DLGAP4: variants seen among roughly 807,000 people sequenced by gnomAD.
DLGAP4 encodes disks large-associated protein 4.
Under a neutral mutation model 86.9 loss-of-function variants are expected in DLGAP4, and 18 were observed. The observed-to-expected ratio is 0.21, with a 90% CI of 0.14 to 0.31. DLGAP4 has a LOEUF of 0.31. Ranked by LOEUF, DLGAP4 falls within the 10% of genes least tolerant of loss-of-function variation. DLGAP4 has a pLI of 1.00. For synonymous variants in DLGAP4, 548 were observed against 574.3 expected (o/e 0.95, Z 0.65); for missense variants, 1,085 against 1,362.6 (o/e 0.80, Z 3.21).
At chr20:36,428,228 C>T (rs1174766414) in intron 2 of DLGAP4, among the ~76,000 whole-genome samples, 1 of 152,036 alleles carries the variant, frequency 6.6e-6, no homozygotes. Flanking sequence ...AGCCACTTGC[C>T]ACATGTGCTA....
rs555851747 is a variant in DLGAP4 at position 36,462,085 on chromosome 20, A to G, written c.1648+15148A>G. 7.3e-5 allele frequency: 72 copies of G among 992,354 alleles called. No homozygotes were observed. In the Admixed American group the frequency reaches 1.1e-3, roughly 15 times the overall value. The allele number at this position is 992,354 out of a possible 1,614,324, so 61.5% of individuals were successfully genotyped here. On this transcript the variant is annotated intron_variant, in intron 7 of 12. Transcript: ENST00000339266. ...CATCCTTTGGGGGTTCTGCACCCCA[A>G]GTCGCTGGGGTCTCGCCTCCTCTGA...
At chr20:36,467,746 G>A (rs2034480788) in intron 7 of DLGAP4, among the ~76,000 whole-genome samples, 1 of 152,232 alleles carries the variant, frequency 6.6e-6, no homozygotes, top group Admixed American at 6.5e-5. Flanking sequence ...AAGGGAAAAT[G>A]TTGGGTGTTG....
intron 1 of DLGAP4, among the ~76,000 whole-genome samples, chr20:36,364,959 G>A (rs1167719178): frequency 6.6e-6 from 1 of 152,178 alleles, no homozygotes; most frequent in Non-Finnish European, 1.5e-5. Flanking sequence ...GTCAGGTGTG[G>A]TGGTGCATGC....
chr20:36,323,809 G>T (rs1555890816), intron 1 of DLGAP4, among the ~76,000 whole-genome samples: 1 of 152,214 alleles, frequency 6.6e-6, no homozygotes, highest in African/African-American at 2.4e-5. Context: ...TCCCCCGCAT[G>T]CGTAGTTCAC....
chr20:36,507,341 C>A (rs553045937), intron 10 of DLGAP4, among the ~76,000 whole-genome samples: 1 of 152,246 alleles, frequency 6.6e-6, no homozygotes, highest in South Asian at 2.1e-4. Flanking sequence ...GATTCTCGTG[C>A]CTCAGCCTCC....
At chr20:36,487,835 G>A (rs902803527) in intron 7 of DLGAP4, among the ~76,000 whole-genome samples, 1 of 152,180 alleles carries the variant, frequency 6.6e-6, no homozygotes, top group Non-Finnish European at 1.5e-5. Context: ...ATGCCTGTCA[G>A]CTCCTTGGCT....
chr20:36,323,458 T>C (rs1327531249), intron 1 of DLGAP4, among the ~76,000 whole-genome samples: 1 of 152,260 alleles, frequency 6.6e-6, no homozygotes, highest in African/African-American at 2.4e-5. Context: ...TATTGCTGCC[T>C]AGTATTCCAC....
At chr20:36,320,595 C>T (rs1569453992) in intron 1 of DLGAP4, among the ~76,000 whole-genome samples, 1 of 152,150 alleles carries the variant, frequency 6.6e-6, no homozygotes, top group South Asian at 2.1e-4. Context: ...AGACGAAATG[C>T]TGTGTTCCAG....
intron 4 of DLGAP4, 23 bp from the exon 5 acceptor site, chr20:36,439,731 G>A: frequency 6.2e-7 from 1 of 1,603,216 alleles, no homozygotes; most frequent in Non-Finnish European, 8.5e-7. Context: ...GCTGAGCCCT[G>A]TCTGCTCCCC....
intron 2 of DLGAP4, among the ~76,000 whole-genome samples, chr20:36,409,927 G>A (rs1295487500): frequency 6.6e-6 from 1 of 151,106 alleles, no homozygotes; most frequent in Admixed American, 6.6e-5. Context: ...CCAGCTACTC[G>A]GGAGGCTGAG....
At chr20:36,317,384 C>T (rs1456801545) in intron 1 of DLGAP4, among the ~76,000 whole-genome samples, 37 of 146,380 alleles carry the variant, frequency 2.5e-4, no homozygotes, top group Admixed American at 1.9e-3. Flanking sequence ...TCTTTCCTCT[C>T]GTCTCTTTCT....
At chr20:36,323,492 C>A (rs1472861880) in intron 1 of DLGAP4, among the ~76,000 whole-genome samples, 1 of 152,160 alleles carries the variant, frequency 6.6e-6, no homozygotes, top group African/African-American at 2.4e-5. Context: ...CATACGTTAT[C>A]CATTCTATTG....
intron 11 of DLGAP4, 137 bp downstream of exon 11, chr20:36,524,478 G>T: frequency 1.5e-6 from 1 of 674,734 alleles, no homozygotes; most frequent in Non-Finnish European, 2.5e-6. Context: ...TGGAAGGACA[G>T]TGGCAATGTG....
At chr20:36,374,032 C>CAAAAAA (rs11472489) in intron 2 of DLGAP4, among the ~76,000 whole-genome samples, 1 of 115,644 alleles carries the variant, frequency 8.6e-6, no homozygotes, top group Non-Finnish European at 1.7e-5. Context: ...GAGACTGTCT[C>CAAAAAA]AAAAAAAAAA....
intron 7 of DLGAP4, among the ~76,000 whole-genome samples, chr20:36,474,820 G>A (rs1386678490): frequency 1.3e-5 from 2 of 152,182 alleles, no homozygotes; most frequent in Non-Finnish European, 2.9e-5. Flanking sequence ...CAAACAATCA[G>A]CCATTCATTT....
At chr20:36,510,713 C>T (rs1020401987) in intron 10 of DLGAP4, among the ~76,000 whole-genome samples, 1 of 151,744 alleles carries the variant, frequency 6.6e-6, no homozygotes, top group Non-Finnish European at 1.5e-5. Context: ...GCCCAGCTGA[C>T]ACCTGGCTAA....
chr20:36,338,921 G>C (rs1338324420), intron 1 of DLGAP4, among the ~76,000 whole-genome samples: 1 of 152,194 alleles, frequency 6.6e-6, no homozygotes, highest in Non-Finnish European at 1.5e-5. Flanking sequence ...AGGTGGGGCA[G>C]AGCAAGCATG....
In DLGAP4 at chr20:36,527,202, C is replaced by G; in HGVS notation, c.*171C>G. Reference sequence around the variant, plus strand: ...ACAATTTGGCTTTTTTGGGTCCCTCCCAGCTTTAGGTTATGAAGATTTTAC... The same window carrying G: ...ACAATTTGGCTTTTTTGGGTCCCTCGCAGCTTTAGGTTATGAAGATTTTAC... On this transcript the variant is annotated 3_prime_UTR_variant, in exon 13 of 13. Transcript: ENST00000339266. 1.8e-6 allele frequency: 1 copy of G among 560,226 alleles called. No individual in the cohort carries two copies. The highest frequency in any genetic ancestry group is 3.0e-6 in the Non-Finnish European group (1 of 333,194). The allele number at this position is 560,226 out of a possible 1,614,324, so 34.7% of individuals were successfully genotyped here.
intron 2 of DLGAP4, among the ~76,000 whole-genome samples, chr20:36,427,459 C>T (rs1223221195): frequency 7.1e-6 from 1 of 141,724 alleles, no homozygotes; most frequent in Non-Finnish European, 1.5e-5. Context: ...ACCTGGGTGA[C>T]AGAGTGAGAG....
Sources: gnomAD v4.1 joint callset for allele counts (sites outside exome capture counted in the v4.1 genomes callset) on GRCh38, gnomAD v4.1.1 for gene constraint, MANE v1.5 for transcripts, NCBI Gene and HGNC (gene_info 2026-07-23, HGNC 2026-07-21) for gene names.